The following ZNF799 variants were observed in gnomAD, a reference collection of about 807,000 sequenced individuals.
ZNF799 encodes the protein zinc finger protein 799.
A neutral mutation model predicts 41.0 loss-of-function variants in ZNF799; 28 were observed. The ratio of observed to expected loss-of-function variants is 0.68; its 90% CI spans 0.51 to 0.94. ZNF799 has a LOEUF of 0.94. Ranked by LOEUF, ZNF799 falls within the 40% of genes least tolerant of loss-of-function variation. The pLI, the probability that ZNF799 is intolerant of heterozygous loss-of-function variation, is 0.00. For missense variants in ZNF799, 716 were observed against 764.3 expected (o/e 0.94, Z 0.74); for synonymous variants, 213 against 252.9 (o/e 0.84, Z 1.50).
chr19:12,401,278 CA>C, upstream of ZNF799: 1 of 1,362,298 alleles, frequency 7.3e-7, no homozygotes, highest in South Asian at 1.5e-5. Flanking sequence ...TGACAGTTCC[CA>C]CGAACCCGCC....
Position 12,391,620 on chromosome 19 carries a change from T to C in ZNF799, c.778A>G (p.Lys260Glu), listed in dbSNP as rs754714525. 2.5e-6 allele frequency: 4 copies of C among 1,612,382 alleles called. No homozygotes were observed. The highest frequency in any genetic ancestry group is 1.3e-5 in the African/African-American group (1 of 74,908). ...EKLYECKQCSKAFPDYSSCLR... is the reference protein window; with the variant it reads ...EKLYECKQCSEAFPDYSSCLR... ...CAAGAACTGTAATCAGGGAAGGCTT[T>C]AGAACACTGTTTACATTCATACAGT... Residue 260 changes from lysine (K) to glutamate (E), a missense_variant, in exon 4 of 4, where the codon AAA (lysine) becomes GAA (glutamate). Around this residue, in one of 2 missense-constraint regions of ZNF799, gnomAD observed 698 missense variants for 713.6 expected, o/e 0.98. Coordinates refer to ENST00000430385, the MANE Select transcript of ZNF799 (RefSeq NM_001080821.3).
chr19:12,411,942 C>T, the ZNF799 span, among the ~76,000 whole-genome samples: 2 of 152,094 alleles, frequency 1.3e-5, no homozygotes, highest in Non-Finnish European at 2.9e-5. Context: ...GCTTTGAACA[C>T]TCTCCAAGCA....
upstream of ZNF799, among the ~76,000 whole-genome samples, chr19:12,401,949 T>C (rs1969996655): frequency 6.6e-6 from 1 of 152,232 alleles, no homozygotes; most frequent in Non-Finnish European, 1.5e-5. Context: ...CTATAGTCAC[T>C]CTGTTGTGCT....
chr19:12,390,194 C>A lies in ZNF799; in HGVS notation c.*272G>T, dbSNP rs1328313707. The A allele has an allele frequency of 9.9e-6, 6 of 603,714 alleles. No individual in the cohort carries two copies. Among genetic ancestry groups the A allele is most frequent in the Admixed American group, 6.3e-5 (2 of 31,756 alleles). 37.4% of individuals were successfully genotyped at this position (603,714 alleles called of 1,614,324 possible). A position where few individuals can be genotyped will look rare whatever the true frequency, so the allele number is the denominator to read the frequency against. On this transcript the variant is annotated 3_prime_UTR_variant, in exon 4 of 4. Coordinates refer to ENST00000430385, the MANE Select transcript of ZNF799 (RefSeq NM_001080821.3). ...CAATGCATGAGGTATTTTAAGTAATCTAGACATAATTGAGAGTATACAAGA... is the reference window on the plus strand; with the variant it reads ...CAATGCATGAGGTATTTTAAGTAATATAGACATAATTGAGAGTATACAAGA...
chr19:12,410,477 A>C, the ZNF799 span, among the ~76,000 whole-genome samples: 1 of 151,848 alleles, frequency 6.6e-6, no homozygotes, highest in Non-Finnish European at 1.5e-5. Flanking sequence ...GTTTACAGGG[A>C]AATTCAAAGA....
the ZNF799 span, among the ~76,000 whole-genome samples, chr19:12,412,824 G>A: frequency 6.6e-6 from 1 of 151,900 alleles, no homozygotes; most frequent in Admixed American, 6.6e-5. Context: ...CAGATCACCT[G>A]AGGCCGGGAG....
chr19:12,401,569 C>CGG (rs1969987430), upstream of ZNF799, among the ~76,000 whole-genome samples: 1 of 78,434 alleles, frequency 1.3e-5, no homozygotes, highest in African/African-American at 5.4e-5. Context: ...TTTTTTTTTC[C>CGG]GAGAGAGAGA....
In ZNF799 at chr19:12,390,364, C is replaced by T. The variant is rs558433918; in HGVS notation, c.*102G>A. 18 of 1,585,850 alleles carry T rather than the reference C, an allele frequency of 1.1e-5. No homozygotes were observed. In the African/African-American group the frequency reaches 2.4e-4, roughly 21 times the overall value. ...AAATTACTTAAGGTTTTACCAAGTG[C>T]TTACATTCACAGGGTCTATCTCCAA... On this transcript the variant is annotated 3_prime_UTR_variant, in exon 4 of 4. Transcript: ENST00000430385.
At chr19:12,399,026 G>C (rs1054810522) in intron 1 of ZNF799, among the ~76,000 whole-genome samples, 3 of 151,966 alleles carry the variant, frequency 2.0e-5, no homozygotes, top group African/African-American at 4.8e-5. Flanking sequence ...TTCCAACTTT[G>C]GGTATACTTT....
At position 12,391,652 on chromosome 19, in the gene ZNF799, C is replaced by T; in HGVS notation, c.746G>A (p.Gly249Glu). The T allele has an allele frequency of 6.2e-7, 1 of 1,611,014 alleles. No homozygotes were observed. The highest frequency in any genetic ancestry group is 8.5e-7 in the Non-Finnish European group (1 of 1,177,526). Residue 249 changes from glycine (G) to glutamate (E), a missense_variant, in exon 4 of 4, where the codon GGG becomes GAG. By Grantham distance (98) the Gly-to-Glu change is moderately conservative. Around this residue, in one of 2 missense-constraint regions of ZNF799, gnomAD observed 698 missense variants for 713.6 expected, o/e 0.98. Coordinates refer to ENST00000430385, the MANE Select transcript of ZNF799 (RefSeq NM_001080821.3). ...CTGTTTACATTCATACAGTTTCTCCCCAGTATGTGTTCTTTCATGTCTTAG... is the reference window on the plus strand; with the variant it reads ...CTGTTTACATTCATACAGTTTCTCCTCAGTATGTGTTCTTTCATGTCTTAG... ...SYLRHERTHTGEKLYECKQCS... is the reference protein window; with the variant it reads ...SYLRHERTHTEEKLYECKQCS...
chr19:12,408,832 A>G, the ZNF799 span, among the ~76,000 whole-genome samples: 99,093 of 151,814 alleles, frequency 0.65, 34,044 homozygotes, highest in Non-Finnish European at 0.77. Flanking sequence ...TCGGGAGTTC[A>G]AGACCAGTGT....
At chr19:12,403,626 C>T (rs1272583684), upstream of ZNF799, among the ~76,000 whole-genome samples, 1 of 151,880 alleles carries the variant, frequency 6.6e-6, no homozygotes, top group Non-Finnish European at 1.5e-5. Flanking sequence ...AATCTCAGCT[C>T]ACTGCCACCT....
upstream of ZNF799, among the ~76,000 whole-genome samples, chr19:12,402,495 A>G (rs953219168): frequency 6.8e-6 from 1 of 146,076 alleles, no homozygotes. Context: ...AAAAGTGGGC[A>G]TTCTTATTGT....
At chr19:12,415,058 T>C in the ZNF799 span, among the ~76,000 whole-genome samples, 221 of 152,254 alleles carry the variant, frequency 1.5e-3, 1 homozygote, top group African/African-American at 5.2e-3. Context: ...AAAAGCATTG[T>C]GAGGCCAGGC....
intron 1 of ZNF799, chr19:12,400,867 C>T (rs1292667774): frequency 1.3e-5 from 11 of 875,600 alleles, no homozygotes; most frequent in South Asian, 1.0e-4. Flanking sequence ...GCAGTCGCCG[C>T]GCAGGAACGG....
upstream of ZNF799, among the ~76,000 whole-genome samples, chr19:12,401,755 T>C (rs1289055072): frequency 3.3e-5 from 5 of 151,760 alleles, no homozygotes; most frequent in Middle Eastern, 3.2e-3. Flanking sequence ...TTGTATGTTT[T>C]AGTAGAGGCC....
intron 1 of ZNF799, 172 bp downstream of exon 1, chr19:12,400,896 C>G: frequency 8.2e-7 from 1 of 1,213,930 alleles, no homozygotes; most frequent in African/African-American, 1.5e-5. Context: ...GCCCGGGGTC[C>G]CGGCTGCATG....
chr19:12,407,893 T>G, the ZNF799 span, among the ~76,000 whole-genome samples: 1 of 152,170 alleles, frequency 6.6e-6, no homozygotes, highest in Non-Finnish European at 1.5e-5. Flanking sequence ...GGGTAGCTCA[T>G]GTGTGTAATC....
At chr19:12,405,359 G>C (rs1338889307), upstream of ZNF799, among the ~76,000 whole-genome samples, 3 of 152,094 alleles carry the variant, frequency 2.0e-5, no homozygotes, top group African/African-American at 7.2e-5. Flanking sequence ...AGGTATACTG[G>C]GGAATTGAGA....
Sources: allele counts gnomAD v4.1 joint callset (sites outside exome capture counted in the v4.1 genomes callset), GRCh38; gene constraint gnomAD v4.1.1; regional missense constraint gnomAD v4.1.1; transcripts MANE v1.5; gene names NCBI Gene and HGNC (gene_info 2026-07-23, HGNC 2026-07-21).